Variants in ALK observed in about 807,000 individuals in gnomAD.
ALK encodes ALK receptor tyrosine kinase.
In ALK, 74 loss-of-function variants were observed where a neutral mutation model predicts 163.1. The ratio of observed to expected loss-of-function variants is 0.45; its 90% CI spans 0.38 to 0.55. The LOEUF is 0.55. Among genes scored for constraint, ALK ranks in the 20% least tolerant of loss-of-function variants. The pLI, the probability that ALK is intolerant of heterozygous loss-of-function variation, is 0.00. For missense variants in ALK, 2,063 were observed against 2,105.3 expected, an observed-to-expected ratio of 0.98 and a Z score of 0.39; for synonymous variants, 960 against 843.2, an observed-to-expected ratio of 1.14 and a Z score of -2.40.
intron 1 of ALK, among the ~76,000 whole-genome samples, chr2:29,883,228 G>T (rs984532207): frequency 6.6e-6 from 1 of 152,192 alleles, no homozygotes; most frequent in South Asian, 2.1e-4. Context: ...TGTTAGGCAG[G>T]TCAAAACAAT....
At chr2:29,486,292 C>T (rs1671775052) in intron 4 of ALK, among the ~76,000 whole-genome samples, 1 of 152,102 alleles carries the variant, frequency 6.6e-6, no homozygotes, top group Admixed American at 6.6e-5. Context: ...AGTATATTAT[C>T]TCTTACCCTT....
intron 3 of ALK, among the ~76,000 whole-genome samples, chr2:29,593,320 G>A (rs749775474): frequency 6.6e-6 from 1 of 152,126 alleles, no homozygotes; most frequent in Non-Finnish European, 1.5e-5. Context: ...TTAAAGGCTC[G>A]ACCATTGCCT....
intron 1 of ALK, among the ~76,000 whole-genome samples, chr2:29,756,146 C>T (rs1680521382): frequency 1.3e-5 from 2 of 152,230 alleles, no homozygotes; most frequent in Admixed American, 6.5e-5. Flanking sequence ...CGCCTCCAGG[C>T]CTTTGCACAT....
chr2:29,816,398 C>T (rs1294414085), intron 1 of ALK, among the ~76,000 whole-genome samples: 4 of 152,084 alleles, frequency 2.6e-5, no homozygotes, highest in Non-Finnish European at 4.4e-5. Flanking sequence ...TATGAAAGTG[C>T]TTTGTAAACA....
At chr2:29,835,512 T>A (rs1157096982) in intron 1 of ALK, among the ~76,000 whole-genome samples, 4 of 152,184 alleles carry the variant, frequency 2.6e-5, no homozygotes, top group Admixed American at 2.6e-4. Flanking sequence ...TGGTGCTTCA[T>A]CCAGATGTTC....
chr2:29,495,582 C>A (rs1672004104), intron 4 of ALK, among the ~76,000 whole-genome samples: 1 of 152,194 alleles, frequency 6.6e-6, no homozygotes, highest in African/African-American at 2.4e-5. Context: ...TGATTAGACT[C>A]ACCTCAAATT....
intron 4 of ALK, among the ~76,000 whole-genome samples, chr2:29,440,318 ATT>A (rs1553315937): frequency 2.4e-4 from 20 of 83,142 alleles, no homozygotes; most frequent in African/African-American, 6.0e-4. Context: ...TGATGAATCA[ATT>A]TTTTTTTTTT....
In ALK at chr2:29,239,713, C is replaced by G. The variant is rs777172061; in HGVS notation, c.2322G>C (p.Leu774=). 6.2e-7 allele frequency: 1 copy of G among 1,614,086 alleles called. No individual in the cohort carries two copies. Among genetic ancestry groups the G allele is most frequent in the Non-Finnish European group, 8.5e-7 (1 of 1,180,040 alleles). ...AGGCGTCCTCTCCCTGCTGCCCAAC[C>G]AGGATGTACAGCATGTCATCCTTCT... is the stretch of plus-strand genomic sequence containing the variant. ...NLEKDDMLYI[L]VGQQGEDACP... is the part of the protein sequence containing the mutation. Residue 774 remains leucine, a synonymous_variant, in exon 13 of 29, where the codon CTG becomes CTC. Coordinates refer to ENST00000389048, the MANE Select transcript of ALK (RefSeq NM_004304.5).
chr2:29,207,571 A>T (rs1413729990), intron 25 of ALK, among the ~76,000 whole-genome samples: 1 of 152,256 alleles, frequency 6.6e-6, no homozygotes, highest in Non-Finnish European at 1.5e-5. Flanking sequence ...TTTGTTTATT[A>T]TAGCTCACAA....
intron 1 of ALK, among the ~76,000 whole-genome samples, chr2:29,865,858 A>G (rs1354919874): frequency 1.3e-5 from 2 of 152,158 alleles, no homozygotes; most frequent in African/African-American, 4.8e-5. Context: ...GTCCAAAATC[A>G]TATTGCCAGT....
intron 3 of ALK, among the ~76,000 whole-genome samples, chr2:29,568,440 G>T (rs544742475): frequency 6.6e-6 from 1 of 152,288 alleles, no homozygotes; most frequent in South Asian, 2.1e-4. Context: ...CTGACAAGGG[G>T]CAGTGAAAAC....
At chr2:29,642,588 G>A (rs116285437) in intron 3 of ALK, among the ~76,000 whole-genome samples, 2,140 of 152,136 alleles carry the variant, frequency 0.014, 54 homozygotes, top group African/African-American at 0.048. Context: ...TTTCTTCTCA[G>A]GGGCATTAAA....
At chr2:29,214,111 G>A (rs768107923) in intron 23 of ALK, 30 bp from the exon 24 acceptor site, 11 of 1,579,110 alleles carry the variant, frequency 7.0e-6, no homozygotes, top group East Asian at 2.2e-5. Flanking sequence ...GGCCACTGAC[G>A]AGGAGCTTGT....
At chr2:29,378,632 A>T (rs995426081) in intron 5 of ALK, among the ~76,000 whole-genome samples, 3 of 152,184 alleles carry the variant, frequency 2.0e-5, no homozygotes, top group African/African-American at 7.2e-5. Flanking sequence ...GGCCTAGTGC[A>T]TGGAAGAGCT....
At chr2:29,567,887 C>A (rs191475084) in intron 3 of ALK, among the ~76,000 whole-genome samples, 1 of 152,282 alleles carries the variant, frequency 6.6e-6, no homozygotes, top group African/African-American at 2.4e-5. Flanking sequence ...GCGTTAAATA[C>A]TAGGCTTGGG....
intron 1 of ALK, among the ~76,000 whole-genome samples, chr2:29,887,493 A>G (rs1213581928): frequency 6.6e-6 from 1 of 152,206 alleles, no homozygotes; most frequent in East Asian, 1.9e-4. Context: ...ACACACTATT[A>G]GTCAAACAGT....
At chr2:29,590,794 G>A (rs900942888) in intron 3 of ALK, among the ~76,000 whole-genome samples, 2 of 151,878 alleles carry the variant, frequency 1.3e-5, no homozygotes, top group Non-Finnish European at 1.5e-5. Context: ...ACTGCAGGCC[G>A]GGCGCGGTGG....
chr2:29,898,845 A>G (rs1667338428), intron 1 of ALK, among the ~76,000 whole-genome samples: 2 of 152,146 alleles, frequency 1.3e-5, no homozygotes, highest in Non-Finnish European at 2.9e-5. Flanking sequence ...GGGAGGAGAG[A>G]AGCCACCACC....
At chr2:29,897,668 T>C (rs1667305387) in intron 1 of ALK, among the ~76,000 whole-genome samples, 3 of 152,206 alleles carry the variant, frequency 2.0e-5, no homozygotes, top group African/African-American at 2.4e-5. Flanking sequence ...GATTTGGTGA[T>C]TAAATCTCTC....
Sources: allele counts gnomAD v4.1 joint callset (sites outside exome capture counted in the v4.1 genomes callset), GRCh38; gene constraint gnomAD v4.1.1; transcripts MANE v1.5; gene names NCBI Gene and HGNC (gene_info 2026-07-23, HGNC 2026-07-21).